Variants in FBXL7 observed in about 807,000 individuals in gnomAD.
FBXL7 encodes the protein F-box and leucine rich repeat protein 7, also known as F-box/LRR-repeat protein 7.
FBXL7 carries 12 observed loss-of-function variants against 38.3 expected under a neutral mutation model. That is an observed-to-expected ratio of 0.31 (90% confidence interval 0.20 to 0.51). The LOEUF (loss-of-function observed/expected upper bound fraction) is 0.51, where lower values mean the gene tolerates loss of function less well. Among genes scored for constraint, FBXL7 ranks in the 20% least tolerant of loss-of-function variants. FBXL7 has a pLI of 0.98. For missense variants in FBXL7, 567 were observed against 676.4 expected, an observed-to-expected ratio of 0.84 and a Z score of 1.79; for synonymous variants, 297 against 300.9, an observed-to-expected ratio of 0.99 and a Z score of 0.13.
intron 2 of FBXL7, among the ~76,000 whole-genome samples, chr5:15,734,674 T>C (rs1014213520): frequency 1.3e-5 from 2 of 152,222 alleles, no homozygotes; most frequent in Non-Finnish European, 2.9e-5. Flanking sequence ...TCTTTCTCTT[T>C]TCTGTGATAT....
chr5:15,531,616 T>C (rs1043076770), intron 1 of FBXL7, among the ~76,000 whole-genome samples: 2 of 152,244 alleles, frequency 1.3e-5, no homozygotes, highest in Non-Finnish European at 2.9e-5. Flanking sequence ...ACTGTTCAGC[T>C]GTCTGTAAAT....
intron 2 of FBXL7, among the ~76,000 whole-genome samples, chr5:15,807,231 C>T (rs1737738111): frequency 6.6e-6 from 1 of 152,162 alleles, no homozygotes; most frequent in East Asian, 1.9e-4. Flanking sequence ...TGTGAGCCAC[C>T]ATGACTGGCC....
chr5:15,716,324 T>G (rs2126647700), intron 2 of FBXL7, among the ~76,000 whole-genome samples: 1 of 152,340 alleles, frequency 6.6e-6, no homozygotes, highest in Middle Eastern at 3.4e-3. Context: ...ATACTTGCCT[T>G]TGCTTTGTGT....
intron 2 of FBXL7, among the ~76,000 whole-genome samples, chr5:15,779,067 G>C (rs1561123560): frequency 6.6e-6 from 1 of 152,022 alleles, no homozygotes. Flanking sequence ...ATACGCTTAG[G>C]ATGGGTATTT....
At position 15,833,745 on chromosome 5, in the gene FBXL7, G is replaced by A. The variant is rs991293546; in HGVS notation, c.128-94145G>A. Among the ~76,000 whole-genome samples, 10 of 152,276 alleles carry A rather than the reference G, an allele frequency of 6.6e-5. No homozygotes were observed. The East Asian group carries it at 1.9e-3, about 29-fold the overall frequency. On this transcript the variant is annotated intron_variant, in intron 2 of 3. Transcript: ENST00000504595. ...TGTAACACTGGAAGGATGCTTGTTTGTCTTTCTATCCAGGTTGGGAATATC... is the reference window on the plus strand; with the variant it reads ...TGTAACACTGGAAGGATGCTTGTTTATCTTTCTATCCAGGTTGGGAATATC...
chr5:15,588,406 A>G (rs1289939445), intron 1 of FBXL7, among the ~76,000 whole-genome samples: 10 of 139,666 alleles, frequency 7.2e-5, no homozygotes, highest in Non-Finnish European at 1.5e-5. Flanking sequence ...TTTTTTTGAG[A>G]TGGAGTTTCG....
chr5:15,789,080 G>A (rs1052146884), intron 2 of FBXL7, among the ~76,000 whole-genome samples: 1 of 151,930 alleles, frequency 6.6e-6, no homozygotes, highest in Non-Finnish European at 1.5e-5. Flanking sequence ...TCTATCTCCT[G>A]ACCTCGTGAA....
At position 15,928,356 on chromosome 5, in the gene FBXL7, G is replaced by A. The variant is rs1169175974; in HGVS notation, c.594G>A (p.Arg198=). Residue 198 remains arginine (R), a synonymous_variant, in exon 3 of 4, where the codon CGG becomes CGA. Transcript: ENST00000504595. This position sits in a 1 kb window ranked among gnomAD's most constrained non-coding sequence, Gnocchi z 4.0. The part of the protein sequence containing the change: ...LETVTVSGCR[R]LTDRGLYTIA... The stretch of plus-strand genomic sequence containing the variant: ...CCGTAACTGTCAGTGGCTGCAGGCG[G>A]CTCACAGACCGAGGGCTGTACACCA... 5 of 1,613,946 alleles carry A rather than the reference G, an allele frequency of 3.1e-6. No individual in the cohort carries two copies. Among genetic ancestry groups the A allele is most frequent in the East Asian group, 4.5e-5 (2 of 44,878 alleles).
intron 2 of FBXL7, among the ~76,000 whole-genome samples, chr5:15,825,941 T>A (rs547657202): frequency 2.6e-5 from 4 of 152,334 alleles, no homozygotes; most frequent in African/African-American, 4.8e-5. Flanking sequence ...TTTCATTGAT[T>A]ACCGGGCTAG....
chr5:15,777,198 T>C (rs4701643), intron 2 of FBXL7, among the ~76,000 whole-genome samples: 2 of 151,992 alleles, frequency 1.3e-5, no homozygotes, highest in African/African-American at 4.8e-5. Context: ...AAGTCACACA[T>C]TGTTAGTAGT....
intron 2 of FBXL7, among the ~76,000 whole-genome samples, chr5:15,763,888 C>T (rs1221766726): frequency 6.6e-6 from 1 of 152,190 alleles, no homozygotes; most frequent in Non-Finnish European, 1.5e-5. Flanking sequence ...TATCTGCAAG[C>T]TGCAGAGCCA....
At chr5:15,548,777 G>A (rs1308847955) in intron 1 of FBXL7, among the ~76,000 whole-genome samples, 3 of 152,166 alleles carry the variant, frequency 2.0e-5, no homozygotes, top group African/African-American at 4.8e-5. Flanking sequence ...GGTGGGTAGG[G>A]AAAAATATTC....
At chr5:15,566,838 G>A (rs1204960611) in intron 1 of FBXL7, among the ~76,000 whole-genome samples, 1 of 152,128 alleles carries the variant, frequency 6.6e-6, no homozygotes, top group Non-Finnish European at 1.5e-5. Flanking sequence ...TTGCCTTCCT[G>A]TTGGGGACTT....
chr5:15,567,942 C>CTT (rs1580375543), intron 1 of FBXL7, among the ~76,000 whole-genome samples: 1 of 152,106 alleles, frequency 6.6e-6, no homozygotes, highest in African/African-American at 2.4e-5. Context: ...TTTTTTATGG[C>CTT]TGCATAGTAT....
At chr5:15,756,842 A>G (rs1345825080) in intron 2 of FBXL7, among the ~76,000 whole-genome samples, 1 of 152,208 alleles carries the variant, frequency 6.6e-6, no homozygotes, top group Non-Finnish European at 1.5e-5. Context: ...TAATACTAGA[A>G]ATAGCCTTTA....
intron 2 of FBXL7, among the ~76,000 whole-genome samples, chr5:15,656,049 C>T (rs1234233924): frequency 6.6e-6 from 1 of 152,090 alleles, no homozygotes; most frequent in Admixed American, 6.6e-5. Context: ...ATACTAAGAA[C>T]TTTTATTTTA....
intron 1 of FBXL7, among the ~76,000 whole-genome samples, chr5:15,508,228 G>A (rs979529634): frequency 3.9e-5 from 6 of 152,050 alleles, no homozygotes; most frequent in African/African-American, 1.4e-4. Context: ...TTTATTGAAT[G>A]CTATACTGAA....
intron 2 of FBXL7, among the ~76,000 whole-genome samples, chr5:15,877,325 AC>A (rs1247739142): frequency 6.6e-6 from 1 of 152,268 alleles, no homozygotes; most frequent in African/African-American, 2.4e-5. Flanking sequence ...TTGCTCAGTC[AC>A]TTTGCATAGT....
intron 2 of FBXL7, among the ~76,000 whole-genome samples, chr5:15,865,760 C>T (rs189159656): frequency 3.3e-5 from 5 of 152,188 alleles, no homozygotes; most frequent in African/African-American, 1.2e-4. Context: ...TACAATAGAA[C>T]CATGTGGTGA....
Sources: gnomAD v4.1 joint callset for allele counts (sites outside exome capture counted in the v4.1 genomes callset) on GRCh38, gnomAD v4.1.1 for gene constraint, Gnocchi (gnomAD v3.1) non-coding constraint, MANE v1.5 for transcripts, NCBI Gene and HGNC (gene_info 2026-07-23, HGNC 2026-07-21) for gene names.